Variants in SAXO1 observed in about 807,000 individuals in gnomAD.
SAXO1 encodes 4930500O09Rik.
A neutral mutation model predicts 17.5 loss-of-function variants in SAXO1; 21 were observed. The ratio of observed to expected loss-of-function variants is 1.20; its 90% CI spans 0.85 to 1.72. The LOEUF is 1.72. SAXO1 is among the 40% of genes most tolerant of loss of function. The probability of loss-of-function intolerance (pLI) is 0.00; values close to 1 mark genes in which losing one functional copy is unlikely to be tolerated. For missense variants in SAXO1, 843 were observed against 596.0 expected (o/e 1.41, Z -4.32); for synonymous variants, 274 against 216.5 (o/e 1.27, Z -2.33).
chr9:19,013,718 TG>T (rs1834850415), intron 1 of SAXO1, among the ~76,000 whole-genome samples: 1 of 151,972 alleles, frequency 6.6e-6, no homozygotes, highest in South Asian at 2.1e-4. Context: ...GGCTAATTTT[TG>T]TATTTTTAGT....
chr9:18,961,202 T>C (rs1304372692), intron 1 of SAXO1, among the ~76,000 whole-genome samples: 1 of 151,916 alleles, frequency 6.6e-6, no homozygotes, highest in African/African-American at 2.4e-5. Flanking sequence ...GTTCTCGCTC[T>C]GTCAGCCAGG....
At chr9:18,953,512 T>C (rs1335336285) in intron 1 of SAXO1, among the ~76,000 whole-genome samples, 5 of 152,238 alleles carry the variant, frequency 3.3e-5, no homozygotes, top group Admixed American at 6.5e-5. Context: ...CTTTGACTTA[T>C]TGCTGGTTAA....
intron 1 of SAXO1, chr9:19,027,894 G>A: frequency 7.3e-7 from 1 of 1,366,556 alleles, no homozygotes; most frequent in Non-Finnish European, 1.0e-6. Context: ...AAGATCGAGT[G>A]CCTGGGCCAG....
In SAXO1 at chr9:19,046,432, A is replaced by G. The variant is rs528274260; in HGVS notation, c.-158+2777T>C. Reference sequence around the variant, plus strand: ...TTAGGCAGGCCAGGTGCGGTGGCTCACGCCTGTAATCCCAGCACTTTGGGA... The same window carrying G: ...TTAGGCAGGCCAGGTGCGGTGGCTCGCGCCTGTAATCCCAGCACTTTGGGA... On this transcript the variant is annotated intron_variant, in intron 1 of 3. Transcript: ENST00000542071. Among the ~76,000 whole-genome samples the G allele has an allele frequency of 2.4e-3, 360 of 152,350 alleles. 4 individuals are homozygous for G. The highest frequency in any genetic ancestry group is 8.3e-3 in the African/African-American group (344 of 41,596).
At chr9:19,003,694 T>C (rs1334328517) in intron 1 of SAXO1, among the ~76,000 whole-genome samples, 6 of 152,142 alleles carry the variant, frequency 3.9e-5, no homozygotes, top group Admixed American at 3.9e-4. Context: ...TAGCCATATG[T>C]AGAAAGCTAA....
intron 1 of SAXO1, among the ~76,000 whole-genome samples, chr9:18,959,047 TG>T (rs1400557210): frequency 4.6e-5 from 7 of 152,096 alleles, no homozygotes; most frequent in Admixed American, 4.6e-4. Flanking sequence ...TCATGAGGGC[TG>T]GGAAAAAGAC....
intron 1 of SAXO1, among the ~76,000 whole-genome samples, chr9:19,028,606 CTGCTTTTTTGG>C (rs1403433802): frequency 6.6e-6 from 1 of 152,204 alleles, no homozygotes; most frequent in Non-Finnish European, 1.5e-5. Flanking sequence ...CCACAATACT[CTGCTTTTTTGG>C]TGCTGATTAT....
At chr9:19,009,616 T>C (rs543047593) in intron 1 of SAXO1, among the ~76,000 whole-genome samples, 2 of 152,210 alleles carry the variant, frequency 1.3e-5, no homozygotes, top group East Asian at 1.9e-4. Flanking sequence ...CAGAATGAAA[T>C]GGAACAAGCA....
intron 3 of SAXO1, 126 bp from the exon 4 acceptor site, chr9:18,929,181 AGCACATCCCT>A: frequency 9.5e-7 from 1 of 1,048,978 alleles, no homozygotes; most frequent in Non-Finnish European, 1.3e-6. Flanking sequence ...GAAAGAACAG[AGCACATCCCT>A]GCTACCACTT....
chr9:19,026,846 T>A (rs544403964), intron 1 of SAXO1: 1 of 612,478 alleles, frequency 1.6e-6, no homozygotes, highest in Non-Finnish European at 3.1e-6. Context: ...CTGGCCAACA[T>A]GGTGAAACCC....
intron 1 of SAXO1, chr9:19,027,310 A>T: frequency 1.2e-6 from 1 of 821,318 alleles, no homozygotes; most frequent in Non-Finnish European, 2.2e-6. Flanking sequence ...GTGAACAAAG[A>T]CTCCTATCCA....
At chr9:18,987,261 G>GA (rs1833629850) in intron 1 of SAXO1, among the ~76,000 whole-genome samples, 1 of 152,156 alleles carries the variant, frequency 6.6e-6, no homozygotes, top group African/African-American at 2.4e-5. Context: ...CACCCAGGGA[G>GA]AGCCGCATGT....
At chr9:19,000,182 G>A (rs1167498958) in intron 1 of SAXO1, among the ~76,000 whole-genome samples, 1 of 151,746 alleles carries the variant, frequency 6.6e-6, no homozygotes, top group Non-Finnish European at 1.5e-5. Flanking sequence ...CACCCTGTCT[G>A]GGAAGTGAGG....
intron 1 of SAXO1, among the ~76,000 whole-genome samples, chr9:18,959,127 A>G (rs970142115): frequency 2.0e-5 from 3 of 152,210 alleles, no homozygotes; most frequent in Non-Finnish European, 2.9e-5. Context: ...TCAGTGCTGA[A>G]GAAGTGGTTC....
intron 1 of SAXO1, among the ~76,000 whole-genome samples, chr9:18,966,723 C>T (rs148906780): frequency 6.6e-6 from 1 of 152,266 alleles, no homozygotes; most frequent in Non-Finnish European, 1.5e-5. Flanking sequence ...TTATTATTCA[C>T]CTTCTGAAGC....
intron 3 of SAXO1, among the ~76,000 whole-genome samples, chr9:18,938,821 CGTGT>C (rs67090530): frequency 0.2 from 15,320 of 78,442 alleles, 968 homozygotes; most frequent in Middle Eastern, 0.29. Context: ...TGCGTGCGTG[CGTGT>C]GTGTGTGTGT....
intron 1 of SAXO1, among the ~76,000 whole-genome samples, chr9:19,029,229 T>C (rs983515936): frequency 6.6e-6 from 1 of 152,158 alleles, no homozygotes; most frequent in Non-Finnish European, 1.5e-5. Flanking sequence ...TAAAGAATTA[T>C]TTGCTCAAGA....
chr9:18,966,943 T>C (rs1832742467), intron 1 of SAXO1, among the ~76,000 whole-genome samples: 1 of 152,250 alleles, frequency 6.6e-6, no homozygotes, highest in African/African-American at 2.4e-5. Flanking sequence ...GGCATGCTTT[T>C]TGTTGATATT....
upstream of SAXO1, among the ~76,000 whole-genome samples, chr9:19,036,050 A>C (rs1313674423): frequency 6.6e-6 from 1 of 151,040 alleles, no homozygotes; most frequent in African/African-American, 2.4e-5. Flanking sequence ...GTGGGAGCTG[A>C]ACAATGAGAA....
Sources: allele counts gnomAD v4.1 joint callset (sites outside exome capture counted in the v4.1 genomes callset), GRCh38; gene constraint gnomAD v4.1.1; transcripts MANE v1.5; gene names NCBI Gene and HGNC (gene_info 2026-07-23, HGNC 2026-07-21).